PPP1R16B: variants seen among roughly 807,000 people sequenced by gnomAD.
PPP1R16B encodes protein phosphatase 1 regulatory inhibitor subunit 16B.
PPP1R16B carries 14 observed loss-of-function variants against 61.7 expected under a neutral mutation model. The ratio of observed to expected loss-of-function variants is 0.23; its 90% CI spans 0.15 to 0.35. The LOEUF (loss-of-function observed/expected upper bound fraction) is 0.35, where lower values mean the gene tolerates loss of function less well. Among genes scored for constraint, PPP1R16B ranks in the 10% least tolerant of loss-of-function variants. The pLI is 1.00. For missense variants in PPP1R16B, 547 were observed against 752.5 expected (o/e 0.73, Z 3.19); for synonymous variants, 266 against 305.3 (o/e 0.87, Z 1.34).
chr20:38,820,210 G>A (rs1269304186), intron 1 of PPP1R16B, among the ~76,000 whole-genome samples: 1 of 152,068 alleles, frequency 6.6e-6, no homozygotes. Flanking sequence ...TATACTTTGC[G>A]TCTATTAGAA....
At chr20:38,808,257 G>A (rs1167353407) in intron 1 of PPP1R16B, among the ~76,000 whole-genome samples, 2 of 152,318 alleles carry the variant, frequency 1.3e-5, no homozygotes, top group South Asian at 2.1e-4. Flanking sequence ...CATGCCCCAA[G>A]TGTAGCAACA....
intron 3 of PPP1R16B, among the ~76,000 whole-genome samples, chr20:38,892,494 G>A (rs1005287517): frequency 2.4e-4 from 36 of 152,180 alleles, no homozygotes; most frequent in African/African-American, 8.7e-4. Flanking sequence ...ATTAGCCTGT[G>A]AGCTTCCATT....
At chr20:38,895,947 C>T (rs1187363529) in intron 4 of PPP1R16B, among the ~76,000 whole-genome samples, 1 of 97,626 alleles carries the variant, frequency 1.0e-5, no homozygotes, top group African/African-American at 4.6e-5. Flanking sequence ...TTTCTTCCCT[C>T]CCTCCCTCCT....
intron 10 of PPP1R16B, 63 bp downstream of exon 10, chr20:38,908,256 C>A: frequency 6.3e-7 from 1 of 1,581,870 alleles, no homozygotes; most frequent in South Asian, 1.1e-5. Context: ...CAGGGCCCAG[C>A]CTGGCCTTGC....
At chr20:38,813,596 G>A (rs2084715273) in intron 1 of PPP1R16B, among the ~76,000 whole-genome samples, 1 of 152,050 alleles carries the variant, frequency 6.6e-6, no homozygotes, top group Non-Finnish European at 1.5e-5. Flanking sequence ...TCTAGCCTGT[G>A]GATCCACTTG....
chr20:38,912,522 AAC>A (rs1411420875), intron 10 of PPP1R16B, among the ~76,000 whole-genome samples: 1 of 151,280 alleles, frequency 6.6e-6, no homozygotes, highest in African/African-American at 2.4e-5. Context: ...AAAAAAAAAA[AAC>A]AATTAGGTGG....
chr20:38,826,810 G>T (rs1192590443), intron 1 of PPP1R16B, among the ~76,000 whole-genome samples: 1 of 152,224 alleles, frequency 6.6e-6, no homozygotes, highest in African/African-American at 2.4e-5. Context: ...AAAGGCCATG[G>T]AGTTCCTGGT....
At chr20:38,852,045 C>CGG (rs540860416) in intron 2 of PPP1R16B, among the ~76,000 whole-genome samples, 3 of 149,632 alleles carry the variant, frequency 2.0e-5, no homozygotes, top group Middle Eastern at 6.8e-3. Flanking sequence ...GCGGGGACGG[C>CGG]GGGGGGGGAA....
chr20:38,879,233 T>A (rs1028822523), intron 2 of PPP1R16B, among the ~76,000 whole-genome samples: 16 of 152,006 alleles, frequency 1.1e-4, no homozygotes, highest in African/African-American at 3.4e-4. Context: ...GTCTCTGAGA[T>A]TAAGTACAGT....
chr20:38,909,869 T>C (rs1017126997), intron 10 of PPP1R16B, among the ~76,000 whole-genome samples: 8 of 152,194 alleles, frequency 5.3e-5, no homozygotes, highest in African/African-American at 1.9e-4. Flanking sequence ...AGAAAAGAGA[T>C]GTAGATCAGT....
At chr20:38,827,258 A>G (rs919455069) in intron 1 of PPP1R16B, among the ~76,000 whole-genome samples, 2 of 152,216 alleles carry the variant, frequency 1.3e-5, no homozygotes, top group Non-Finnish European at 2.9e-5. Flanking sequence ...CCTTTTGTTA[A>G]CACCTGGTCT....
intron 6 of PPP1R16B, among the ~76,000 whole-genome samples, chr20:38,903,204 G>A (rs1366056963): frequency 6.6e-6 from 1 of 152,148 alleles, no homozygotes; most frequent in Non-Finnish European, 1.5e-5. Flanking sequence ...CTGGGTCGGA[G>A]ACCTGGCTCC....
At chr20:38,900,516 G>A (rs1014688716) in intron 4 of PPP1R16B, 65 bp from the exon 5 acceptor site, 31 of 1,304,286 alleles carry the variant, frequency 2.4e-5, no homozygotes, top group Non-Finnish European at 3.2e-5. Context: ...AGGCCAGAGG[G>A]CAGAGGCAGC....
intron 1 of PPP1R16B, among the ~76,000 whole-genome samples, chr20:38,815,811 G>T (rs2084731750): frequency 6.6e-6 from 1 of 152,194 alleles, no homozygotes; most frequent in Admixed American, 6.5e-5. Context: ...CTGGCCTTAG[G>T]CTTGGAATTG....
At chr20:38,839,534 A>C (rs147934922) in intron 2 of PPP1R16B, among the ~76,000 whole-genome samples, 2 of 152,072 alleles carry the variant, frequency 1.3e-5, no homozygotes, top group Admixed American at 1.3e-4. Context: ...TTGTCCATCC[A>C]TCACTACTGT....
chr20:38,812,843 A>T (rs1423402428), intron 1 of PPP1R16B, among the ~76,000 whole-genome samples: 2 of 152,132 alleles, frequency 1.3e-5, no homozygotes, highest in African/African-American at 4.8e-5. Flanking sequence ...GTTAGAACTT[A>T]CTTGGATAGG....
At position 38,835,962 on chromosome 20, in the gene PPP1R16B, C is replaced by A; in HGVS notation, c.37C>A (p.Leu13Met). 2 of 1,547,250 alleles carry A rather than the reference C, an allele frequency of 1.3e-6. No individual in the cohort carries two copies. Among genetic ancestry groups the A allele is most frequent in the Non-Finnish European group, 1.7e-6 (2 of 1,147,278 alleles). Residue 13 changes from leucine to methionine, a missense_variant, in exon 2 of 11, where the codon CTG becomes ATG. Transcript: ENST00000299824. ...SHVDLLTELQ[L>M]LEKVPTLERL... Reference sequence around the variant, plus strand: ...CGTGGACCTGCTGACGGAGCTGCAGCTGCTGGAGAAGGTGCCCACGCTGGA... The same window carrying A: ...CGTGGACCTGCTGACGGAGCTGCAGATGCTGGAGAAGGTGCCCACGCTGGA...
rs376863373 is a variant in PPP1R16B at position 38,851,857 on chromosome 20, CCAAAAACAAAAA to C, written c.250+15700_250+15711del. On this transcript the variant is annotated intron_variant, in intron 2 of 10. Transcript: ENST00000299824. ...GCAACATATTGAGACTGTATCTCTACCAAAAACAAAAACAAAAACAAAAACAAAAGCCAGGCA... is the reference window on the plus strand; with the variant it reads ...GCAACATATTGAGACTGTATCTCTACCAAAAACAAAAACAAAAGCCAGGCA... Among the ~76,000 whole-genome samples the C allele has an allele frequency of 4.7e-4, 72 of 152,134 alleles. 1 individual carries two copies. The highest frequency in any genetic ancestry group is 1.0e-4 in the Non-Finnish European group (7 of 68,022).
chr20:38,860,626 C>G (rs541059713), intron 2 of PPP1R16B, among the ~76,000 whole-genome samples: 1 of 152,272 alleles, frequency 6.6e-6, no homozygotes, highest in South Asian at 2.1e-4. Context: ...CTGACCAGAA[C>G]CCAGACTGTG....
Sources: gnomAD v4.1 joint callset for allele counts (sites outside exome capture counted in the v4.1 genomes callset) on GRCh38, gnomAD v4.1.1 for gene constraint, MANE v1.5 for transcripts, NCBI Gene and HGNC (gene_info 2026-07-23, HGNC 2026-07-21) for gene names.